Variants in ACBD6 observed in about 807,000 individuals in gnomAD.
The protein encoded by ACBD6 is acyl-CoA-binding domain-containing protein 6.
Under a neutral mutation model 37.2 loss-of-function variants are expected in ACBD6, and 28 were observed. The ratio of observed to expected loss-of-function variants is 0.75; its 90% CI spans 0.56 to 1.03. The LOEUF is 1.03. ACBD6 is among the 50% of genes least tolerant of loss of function. ACBD6 has a pLI of 0.00. For missense variants in ACBD6, 340 were observed against 337.4 expected (o/e 1.01, Z -0.06); for synonymous variants, 113 against 126.8 (o/e 0.89, Z 0.73).
downstream of ACBD6, among the ~76,000 whole-genome samples, chr1:180,286,548 A>C (rs1649506059): frequency 1.3e-5 from 2 of 152,230 alleles, no homozygotes; most frequent in Admixed American, 1.3e-4. Flanking sequence ...TAACTAATGT[A>C]TGTTTCTTAA....
At chr1:180,306,081 C>T (rs1013339423) in intron 7 of ACBD6, among the ~76,000 whole-genome samples, 23 of 129,502 alleles carry the variant, frequency 1.8e-4, no homozygotes, top group South Asian at 2.4e-4. Context: ...GGGAACATCA[C>T]ACCCCGGGGA....
At position 180,404,667 on chromosome 1, in the gene ACBD6, A is replaced by C. The variant is rs188724372; in HGVS notation, c.574-7062T>G. ...GAGATGGGGTTTCACTATGTTGGCC[A>C]GGCTGGTTTTGAACTCCTGACCTCA... On this transcript the variant is annotated intron_variant, in intron 5 of 7. Transcript: ENST00000367595. Among the ~76,000 whole-genome samples, 54 of 152,250 alleles carry C rather than the reference A, an allele frequency of 3.5e-4. No individual in the cohort carries two copies. The East Asian group carries it at 9.1e-3, about 26-fold the overall frequency.
At chr1:180,381,447 G>T (rs1196920897) in intron 6 of ACBD6, among the ~76,000 whole-genome samples, 1 of 152,018 alleles carries the variant, frequency 6.6e-6, no homozygotes, top group Non-Finnish European at 1.5e-5. Context: ...AAATTCTCCA[G>T]GACAGACCAT....
intron 3 of ACBD6, among the ~76,000 whole-genome samples, chr1:180,474,265 A>G (rs1312738372): frequency 6.6e-6 from 1 of 152,168 alleles, no homozygotes; most frequent in Non-Finnish European, 1.5e-5. Flanking sequence ...ACACATCTGG[A>G]GTATATTGCT....
chr1:180,270,840 G>C (rs1265461208), exon 14 of ACBD6: 1 of 191,314 alleles, frequency 5.2e-6, no homozygotes, highest in Non-Finnish European at 1.1e-5. Context: ...CTGACCTATA[G>C]TTTAGAAACC....
chr1:180,372,714 C>T (rs1653304354), intron 6 of ACBD6, among the ~76,000 whole-genome samples: 1 of 152,164 alleles, frequency 6.6e-6, no homozygotes, highest in Non-Finnish European at 1.5e-5. Context: ...CTTGGAATTT[C>T]ATACATAGTG....
At chr1:180,360,138 A>G (rs981867148) in intron 6 of ACBD6, among the ~76,000 whole-genome samples, 2 of 152,212 alleles carry the variant, frequency 1.3e-5, no homozygotes, top group African/African-American at 2.4e-5. Context: ...TTCAGTTTCT[A>G]TTCTTTAAAG....
chr1:180,404,930 G>T (rs1647549810), intron 5 of ACBD6, among the ~76,000 whole-genome samples: 1 of 152,140 alleles, frequency 6.6e-6, no homozygotes, highest in Non-Finnish European at 1.5e-5. Context: ...AGTTTCTGAT[G>T]CAACACATGA....
chr1:180,493,184 G>A (rs910986186), intron 2 of ACBD6, among the ~76,000 whole-genome samples: 4 of 138,458 alleles, frequency 2.9e-5, no homozygotes, highest in Non-Finnish European at 4.6e-5. Context: ...GGAGGCAGAG[G>A]TTGCAGTAAG....
At chr1:180,387,443 T>C (rs1227875335) in intron 6 of ACBD6, among the ~76,000 whole-genome samples, 1 of 152,192 alleles carries the variant, frequency 6.6e-6, no homozygotes, top group Admixed American at 6.5e-5. Context: ...ACACCACACT[T>C]ACGACAGAAG....
intron 4 of ACBD6, among the ~76,000 whole-genome samples, chr1:180,420,881 C>T (rs934225590): frequency 6.6e-6 from 1 of 152,148 alleles, no homozygotes; most frequent in African/African-American, 2.4e-5. Context: ...TCCCTTCCTG[C>T]CTTAAATCCT....
intron 6 of ACBD6, among the ~76,000 whole-genome samples, chr1:180,341,754 TA>T (rs1206678460): frequency 2.0e-5 from 3 of 152,140 alleles, no homozygotes; most frequent in Non-Finnish European, 4.4e-5. Context: ...AATACATTAT[TA>T]CTTTGTAATA....
At chr1:180,271,921 C>T in exon 14 of ACBD6, 1 of 1,613,390 alleles carries the variant, frequency 6.2e-7, no homozygotes. Flanking sequence ...ATAAGAGCGT[C>T]AAGAGGAGCC....
intron 3 of ACBD6, among the ~76,000 whole-genome samples, chr1:180,455,789 T>C (rs540332007): frequency 2.0e-4 from 30 of 152,266 alleles, no homozygotes; most frequent in African/African-American, 7.0e-4. Context: ...TTTTAAAAAA[T>C]ACCACCATCT....
chr1:180,331,621 A>G (rs1651482661), intron 6 of ACBD6, among the ~76,000 whole-genome samples: 1 of 152,210 alleles, frequency 6.6e-6, no homozygotes, highest in Admixed American at 6.5e-5. Flanking sequence ...ATTTTGCTAC[A>G]TCTGATTGTT....
intron 3 of ACBD6, among the ~76,000 whole-genome samples, chr1:180,466,097 T>C (rs1650338454): frequency 6.6e-6 from 1 of 152,138 alleles, no homozygotes; most frequent in South Asian, 2.1e-4. Flanking sequence ...CCCTATGGTA[T>C]GTGTTTATCA....
Position 180,502,124 on chromosome 1 carries a change from T to C in ACBD6, c.143A>G (p.Lys48Arg), listed in dbSNP as rs1432142920. 6.2e-7 allele frequency: 1 copy of C among 1,613,880 alleles called. No individual in the cohort carries two copies. Among genetic ancestry groups the C allele is most frequent in the South Asian group, 1.1e-5 (1 of 91,056 alleles). The change falls in exon 1 of 8, where the codon AAG (lysine) becomes AGG (arginine). Residue 48 changes from lysine to arginine, a missense_variant. Coordinates refer to ENST00000367595, the MANE Select transcript of ACBD6 (RefSeq NM_032360.4). ...ETSCLAELFE[K>R]AAAHLQGLIQ... ...CAGGCCTTGCAGGTGCGCGGCAGCCTTCTCAAACAGCTCGGCCAGGCAACT... is the reference window on the plus strand; with the variant it reads ...CAGGCCTTGCAGGTGCGCGGCAGCCCTCTCAAACAGCTCGGCCAGGCAACT...
intron 6 of ACBD6, among the ~76,000 whole-genome samples, chr1:180,394,536 T>C (rs1654192955): frequency 1.3e-5 from 2 of 152,154 alleles, no homozygotes; most frequent in Non-Finnish European, 1.5e-5. Flanking sequence ...GTGAAGGAAT[T>C]TGCCCAACCG....
intron 3 of ACBD6, among the ~76,000 whole-genome samples, chr1:180,471,129 G>A (rs1250531903): frequency 1.3e-5 from 2 of 152,200 alleles, no homozygotes; most frequent in Non-Finnish European, 2.9e-5. Flanking sequence ...GCCAGGTGCA[G>A]TGGCTCACTC....
Sources: allele counts gnomAD v4.1 joint callset (sites outside exome capture counted in the v4.1 genomes callset), GRCh38; gene constraint gnomAD v4.1.1; transcripts MANE v1.5; gene names NCBI Gene and HGNC (gene_info 2026-07-23, HGNC 2026-07-21).